DMD: variants seen among roughly 807,000 people sequenced by gnomAD.
The protein encoded by DMD is dystrophin, also known as mutant dystrophin.
DMD carries 63 observed loss-of-function variants against 330.1 expected under a neutral mutation model. The observed-to-expected ratio is 0.19, with a 90% CI of 0.16 to 0.24. DMD has a LOEUF of 0.24. Among genes scored for constraint, DMD ranks in the 10% least tolerant of loss-of-function variants. DMD has a pLI of 1.00. For synonymous variants in DMD, 1,223 were observed against 959.8 expected (o/e 1.27, Z -5.07); for missense variants, 3,344 against 2,684.1 (o/e 1.25, Z -5.43).
chrX:32,258,946 A>G (rs1372702914), intron 43 of DMD, among the ~76,000 whole-genome samples: 1 of 111,645 alleles, frequency 9.0e-6, no homozygotes, highest in East Asian at 2.8e-4. Flanking sequence ...AACAGCCAAA[A>G]TAATTCAATG....
chrX:32,820,187 CCAAA>C (rs754178504), intron 5 of DMD, among the ~76,000 whole-genome samples: 11 of 112,559 alleles, frequency 9.8e-5, no homozygotes, highest in African/African-American at 3.5e-4. Flanking sequence ...CGCCTGTAAT[CCAAA>C]CACTTTGGGA....
At chrX:31,977,705 C>T (rs1418457048) in intron 44 of DMD, among the ~76,000 whole-genome samples, 1 of 108,032 alleles carries the variant, frequency 9.3e-6, no homozygotes, top group Non-Finnish European at 1.9e-5. Flanking sequence ...TAATACTACT[C>T]TCCTTCATGG....
At position 32,356,379 on chromosome X, in the gene DMD, T is replaced by TAAA. The variant is rs71888370; in HGVS notation, c.5325+6406_5325+6408dup. 1.9e-3 allele frequency among the ~76,000 whole-genome samples: 101 copies of TAAA among 52,718 alleles called. 2 individuals carry two copies. The highest frequency in any genetic ancestry group is 6.0e-3 in the African/African-American group (92 of 15,455). 45.8% of individuals were successfully genotyped at this position (52,718 alleles called of 115,157 possible). Reference sequence around the variant, plus strand: ...TATATCTTCTGACACTGAATGGAAGTAAAAAAAAAAAAAAAAAAAAAAAAA... The same window carrying TAAA: ...TATATCTTCTGACACTGAATGGAAGTAAAAAAAAAAAAAAAAAAAAAAAAAAAA... On this transcript the variant is annotated intron_variant, in intron 37 of 78. Transcript: ENST00000357033.
intron 16 of DMD, among the ~76,000 whole-genome samples, chrX:32,555,587 G>T (rs1405680698): frequency 1.8e-5 from 2 of 111,622 alleles, no homozygotes. Flanking sequence ...TATACTACAA[G>T]GTTACAGTCA....
At chrX:31,935,330 G>A (rs1444608237) in intron 45 of DMD, among the ~76,000 whole-genome samples, 1 of 111,569 alleles carries the variant, frequency 9.0e-6, no homozygotes, top group African/African-American at 3.3e-5. Flanking sequence ...ATTGGAAATT[G>A]CTTGGAATAG....
At chrX:33,025,791 T>TC (rs2093985002) in intron 1 of DMD, among the ~76,000 whole-genome samples, 3 of 111,533 alleles carry the variant, frequency 2.7e-5, no homozygotes, top group South Asian at 3.8e-4. Context: ...ACTCCTGGAC[T>TC]CCATCAATCC....
intron 1 of DMD, among the ~76,000 whole-genome samples, chrX:33,290,812 C>T (rs148749930): frequency 6.6e-3 from 731 of 111,213 alleles, no homozygotes; most frequent in Non-Finnish European, 0.011. Context: ...CTTAAAAATA[C>T]ATCTACCCCT....
intron 4 of DMD, among the ~76,000 whole-genome samples, chrX:32,836,133 G>A (rs1451017372): frequency 1.8e-5 from 2 of 109,469 alleles, no homozygotes. Flanking sequence ...ATGGGTTCAA[G>A]TGATTCTCAT....
rs183285764 is a variant in DMD at position 32,860,786 on chromosome X, C to G, written c.94-10966G>C. ...CACCCTAGCAGCTTCCTCACACCCC[C>G]TATGTGGAAGCTCCCCTCAAGAATG... On this transcript the variant is annotated intron_variant, in intron 2 of 78. Transcript: ENST00000357033. Among the ~76,000 whole-genome samples the G allele has an allele frequency of 3.8e-3, 423 of 110,835 alleles. 1 individual carries two copies. Among genetic ancestry groups the G allele is most frequent in the African/African-American group, 0.013 (397 of 30,501 alleles).
intron 1 of DMD, among the ~76,000 whole-genome samples, chrX:33,082,809 G>T (rs1348054546): frequency 2.7e-5 from 3 of 112,047 alleles, no homozygotes; most frequent in Non-Finnish European, 5.6e-5. Flanking sequence ...TCAGGGACCT[G>T]TAGCAAAGTT....
chrX:33,210,140 T>C (rs1201799648), intron 1 of DMD, among the ~76,000 whole-genome samples: 1 of 111,196 alleles, frequency 9.0e-6, no homozygotes, highest in Non-Finnish European at 1.9e-5. Flanking sequence ...GTAAATATTG[T>C]ATTATAAAGT....
intron 4 of DMD, among the ~76,000 whole-genome samples, chrX:32,827,687 T>C (rs1220138576): frequency 1.4e-4 from 15 of 104,901 alleles, no homozygotes; most frequent in Non-Finnish European, 2.7e-4. Flanking sequence ...TGAGGTGGAG[T>C]TTCGCTCTTG....
At chrX:31,291,397 T>C (rs1031519565) in intron 62 of DMD, among the ~76,000 whole-genome samples, 26 of 112,148 alleles carry the variant, frequency 2.3e-4, no homozygotes, top group Non-Finnish European at 3.9e-4. Context: ...CACCATTCTA[T>C]AACGGCACAT....
At chrX:32,275,419 A>G (rs1024969055) in intron 43 of DMD, among the ~76,000 whole-genome samples, 3 of 111,983 alleles carry the variant, frequency 2.7e-5, no homozygotes, top group African/African-American at 9.8e-5. Flanking sequence ...TCTACTGGGC[A>G]TTATATATAC....
intron 1 of DMD, among the ~76,000 whole-genome samples, chrX:33,336,395 A>G (rs2054255455): frequency 1.8e-5 from 2 of 110,189 alleles, no homozygotes; most frequent in South Asian, 3.8e-4. Flanking sequence ...TTCAAAGCAT[A>G]TTTCTTAACC....
At chrX:32,994,859 C>T (rs184574825) in intron 2 of DMD, among the ~76,000 whole-genome samples, 3 of 112,592 alleles carry the variant, frequency 2.7e-5, no homozygotes, top group Admixed American at 9.4e-5. Context: ...CCGTGGCTCA[C>T]GCCAGCACTT....
At chrX:32,069,068 G>A (rs1283234360) in intron 44 of DMD, among the ~76,000 whole-genome samples, 1 of 111,689 alleles carries the variant, frequency 9.0e-6, no homozygotes, top group Non-Finnish European at 1.9e-5. Flanking sequence ...TTTGGGGGAC[G>A]TAATTATGGT....
At chrX:32,537,083 T>C (rs770850807) in intron 17 of DMD, among the ~76,000 whole-genome samples, 1 of 111,774 alleles carries the variant, frequency 8.9e-6, no homozygotes, top group East Asian at 2.8e-4. Flanking sequence ...GTGGCAGATA[T>C]CAAGACCACT....
At chrX:31,838,565 G>A (rs1428772761) in intron 48 of DMD, among the ~76,000 whole-genome samples, 1 of 111,942 alleles carries the variant, frequency 8.9e-6, no homozygotes, top group Non-Finnish European at 1.9e-5. Context: ...TTTATTCACT[G>A]ACAGCTGGGA....
Sources: gnomAD v4.1 joint callset for allele counts (sites outside exome capture counted in the v4.1 genomes callset) on GRCh38, gnomAD v4.1.1 for gene constraint, MANE v1.5 for transcripts, NCBI Gene and HGNC (gene_info 2026-07-23, HGNC 2026-07-21) for gene names.